Variants in FNBP1 observed in about 807,000 individuals in gnomAD.
FNBP1 encodes the protein formin-binding protein 1.
In FNBP1, 26 loss-of-function variants were observed where a neutral mutation model predicts 90.6. That is an observed-to-expected ratio of 0.29 (90% CI 0.21 to 0.40). FNBP1 has a LOEUF of 0.40. Ranked by LOEUF, FNBP1 falls within the 10% of genes least tolerant of loss-of-function variation. FNBP1 has a pLI of 1.00. For missense variants in FNBP1, 635 were observed against 768.0 expected (o/e 0.83, Z 2.05); for synonymous variants, 260 against 265.2 (o/e 0.98, Z 0.19).
In FNBP1 at chr9:130,031,951, T is replaced by C. The variant is rs2058840194; in HGVS notation, c.24+11001A>G. Among the ~76,000 whole-genome samples the C allele has an allele frequency of 6.6e-6, 1 of 152,074 alleles. No homozygotes were observed. The highest frequency in any genetic ancestry group is 2.1e-4 in the South Asian group (1 of 4,814). ...TGCTGGTATTACAGGAGTGAGCCAC[T>C]GCGCCTGGCCTGATGAAATTTTTAC... On this transcript the variant is annotated intron_variant, in intron 1 of 16. Coordinates refer to ENST00000446176, the MANE Select transcript of FNBP1 (RefSeq NM_015033.3). The surrounding 1 kb of genome is among the most constrained non-coding windows in gnomAD (Gnocchi z 4.2).
chr9:129,906,072 G>T (rs970710212), intron 12 of FNBP1, among the ~76,000 whole-genome samples: 1 of 151,836 alleles, frequency 6.6e-6, no homozygotes, highest in East Asian at 1.9e-4. Context: ...TAGTAGAGAT[G>T]GGGTTTCTTC....
chr9:129,927,676 C>A (rs1396082574), intron 7 of FNBP1, among the ~76,000 whole-genome samples: 5 of 152,076 alleles, frequency 3.3e-5, no homozygotes, highest in Non-Finnish European at 2.9e-5. Context: ...GTGGTGTGAT[C>A]TCAGCTCACT....
At chr9:129,965,254 C>T (rs1047069336) in intron 4 of FNBP1, among the ~76,000 whole-genome samples, 1 of 152,238 alleles carries the variant, frequency 6.6e-6, no homozygotes, top group Non-Finnish European at 1.5e-5. Context: ...AAGGGACACA[C>T]ATTCTATTTT....
chr9:129,887,541 A>C lies in FNBP1; in HGVS notation c.*2998T>G, dbSNP rs2034824697. ...AACGTCACTTTTTGACGTCGTGTAA[A>C]CTTTCTTCTGCAATGACGGATGTTA... On this transcript the variant is annotated 3_prime_UTR_variant, in exon 17 of 17. Transcript: ENST00000446176. The C allele has an allele frequency of 4.8e-6, 1 of 209,942 alleles. No individual in the cohort carries two copies. Among genetic ancestry groups the C allele is most frequent in the South Asian group, 1.9e-4 (1 of 5,312 alleles). The allele number at this position is 209,942 out of a possible 1,614,324, so 13.0% of individuals were successfully genotyped here.
At chr9:129,995,945 C>T (rs1392030488) in intron 1 of FNBP1, among the ~76,000 whole-genome samples, 1 of 152,016 alleles carries the variant, frequency 6.6e-6, no homozygotes, top group African/African-American at 2.4e-5. Context: ...CTAGATGAGA[C>T]AAAATAGGCA....
chr9:129,953,525 C>A (rs1193633528), intron 6 of FNBP1, among the ~76,000 whole-genome samples: 1 of 151,444 alleles, frequency 6.6e-6, no homozygotes, highest in East Asian at 1.9e-4. Context: ...AAATAAATAT[C>A]TGTAACAAAA....
intron 1 of FNBP1, among the ~76,000 whole-genome samples, chr9:130,025,236 A>G (rs1186452087): frequency 2.6e-5 from 4 of 152,112 alleles, no homozygotes; most frequent in Non-Finnish European, 4.4e-5. Flanking sequence ...AAGACATTCA[A>G]TCTATGTACC....
At chr9:130,019,406 T>C (rs62585588) in intron 1 of FNBP1, among the ~76,000 whole-genome samples, 120 of 152,150 alleles carry the variant, frequency 7.9e-4, no homozygotes, top group Non-Finnish European at 1.2e-3. Context: ...TTAGATTGCA[T>C]AGGTTTCATA....
intron 1 of FNBP1, among the ~76,000 whole-genome samples, chr9:130,039,760 T>C (rs991539718): frequency 1.3e-5 from 2 of 152,032 alleles, no homozygotes; most frequent in Non-Finnish European, 2.9e-5. Flanking sequence ...AAGGTTTTAC[T>C]CCCTCTACAA....
chr9:129,945,382 A>T (rs540972427), intron 6 of FNBP1, among the ~76,000 whole-genome samples: 80 of 151,636 alleles, frequency 5.3e-4, no homozygotes, highest in African/African-American at 1.6e-3. Context: ...CTTCCTTTTT[A>T]AAAAAAAATG....
intron 6 of FNBP1, among the ~76,000 whole-genome samples, chr9:129,942,920 T>C (rs577839253): frequency 7.9e-5 from 12 of 152,012 alleles, no homozygotes; most frequent in African/African-American, 2.9e-4. Context: ...CTTGAACTCC[T>C]GGGCTCAAGC....
At chr9:129,982,600 A>G (rs2417161) in intron 2 of FNBP1, among the ~76,000 whole-genome samples, 147,266 of 152,338 alleles carry the variant, frequency 0.97, 71,276 homozygotes, top group East Asian at 1. Context: ...TATTGGAAAA[A>G]CGTAGTGGCT....
rs1019568569 is a variant in FNBP1 at position 129,887,963 on chromosome 9, G to T, written c.*2576C>A. ...GTAAATGATGATACATAGGACAACT[G>T]ACCTCCTCTAAGAAGCCCGGCTGGG... On this transcript the variant is annotated 3_prime_UTR_variant, in exon 17 of 17. Coordinates refer to ENST00000446176, the MANE Select transcript of FNBP1 (RefSeq NM_015033.3). The T allele has an allele frequency of 8.6e-6, 2 of 232,362 alleles. No homozygotes were observed. The highest frequency in any genetic ancestry group is 4.4e-5 in the African/African-American group (2 of 45,310). 14.4% of individuals were successfully genotyped at this position (232,362 alleles called of 1,614,324 possible).
Position 129,900,643 on chromosome 9 carries a change from G to A in FNBP1, c.1429-96C>T, listed in dbSNP as rs559447970. 7.1e-4 allele frequency: 899 copies of A among 1,260,612 alleles called. 3 individuals carry two copies. Among genetic ancestry groups the A allele is most frequent in the Non-Finnish European group, 8.5e-4 (838 of 982,368 alleles). The allele number at this position is 1,260,612 out of a possible 1,614,324, so 78.1% of individuals were successfully genotyped here. ...CCAAAGGCCATCTGAGGGCCAGCCC[G>A]GAGCATCCTAAGGTCCCAAACTCAG... On this transcript the variant is annotated intron_variant, in intron 13 of 16. Transcript: ENST00000446176. This position sits in a 1 kb window ranked among gnomAD's most constrained non-coding sequence, Gnocchi z 4.1.
intron 6 of FNBP1, among the ~76,000 whole-genome samples, chr9:129,953,224 GC>G (rs1338959493): frequency 6.6e-6 from 1 of 152,100 alleles, no homozygotes; most frequent in Non-Finnish European, 1.5e-5. Flanking sequence ...GGTGGCTCAC[GC>G]CTGTAATCGC....
intron 2 of FNBP1, among the ~76,000 whole-genome samples, chr9:129,987,652 G>C (rs994487084): frequency 4.0e-5 from 6 of 151,762 alleles, no homozygotes; most frequent in Admixed American, 2.6e-4. Context: ...GGGATGACAG[G>C]AGCGCCCGGC....
At chr9:129,924,707 G>T (rs766871705) in intron 9 of FNBP1, among the ~76,000 whole-genome samples, 2 of 152,146 alleles carry the variant, frequency 1.3e-5, no homozygotes, top group East Asian at 3.8e-4. Context: ...GGCATGAGGC[G>T]AAACGGTGGA....
chr9:129,926,509 A>G (rs1047001363), intron 8 of FNBP1, among the ~76,000 whole-genome samples: 2 of 152,176 alleles, frequency 1.3e-5, no homozygotes, highest in Admixed American at 1.3e-4. Flanking sequence ...TCTGCTGGGT[A>G]GAGGCCAGGA....
At chr9:129,952,692 CTTTTTAT>C (rs2046367549) in intron 6 of FNBP1, among the ~76,000 whole-genome samples, 1 of 152,072 alleles carries the variant, frequency 6.6e-6, no homozygotes, top group Non-Finnish European at 1.5e-5. Context: ...AAGGGGGCCA[CTTTTTAT>C]TGATGAAAAA....
Sources: allele counts gnomAD v4.1 joint callset (sites outside exome capture counted in the v4.1 genomes callset), GRCh38; gene constraint gnomAD v4.1.1; non-coding constraint Gnocchi (gnomAD v3.1); transcripts MANE v1.5; gene names NCBI Gene and HGNC (gene_info 2026-07-23, HGNC 2026-07-21).